The following L3MBTL4 variants were observed in gnomAD, a reference collection of about 807,000 sequenced individuals.
The protein encoded by L3MBTL4 is lethal(3)malignant brain tumor-like protein 4.
L3MBTL4 carries 70 observed loss-of-function variants against 84.5 expected under a neutral mutation model. The observed-to-expected ratio is 0.83, with a 90% CI of 0.68 to 1.01. The LOEUF (loss-of-function observed/expected upper bound fraction) is 1.01, where lower values mean the gene tolerates loss of function less well. Ranked by LOEUF, L3MBTL4 falls within the 50% of genes least tolerant of loss-of-function variation. The probability of loss-of-function intolerance (pLI) is 0.00; values close to 1 mark genes in which losing one functional copy is unlikely to be tolerated. For missense variants in L3MBTL4, 715 were observed against 754.8 expected (o/e 0.95, Z 0.62); for synonymous variants, 274 against 259.8 (o/e 1.05, Z -0.52).
intron 14 of L3MBTL4, among the ~76,000 whole-genome samples, chr18:6,129,327 A>G (rs1465176742): frequency 6.6e-6 from 1 of 151,860 alleles, no homozygotes; most frequent in East Asian, 1.9e-4. Flanking sequence ...GCTTCAAAAT[A>G]TCAATGCATG....
chr18:6,264,072 T>C lies in L3MBTL4; in HGVS notation c.128-34A>G, dbSNP rs771062014. ...GAAAACACAATGACTTTTCTCAAAATGATTAGTGACAGGAAAATAATAAAA... is the reference window on the plus strand; with the variant it reads ...GAAAACACAATGACTTTTCTCAAAACGATTAGTGACAGGAAAATAATAAAA... On this transcript the variant is annotated intron_variant, in intron 4 of 18. Transcript: ENST00000317931. The C allele has an allele frequency of 1.5e-5, 21 of 1,435,630 alleles. No individual in the cohort carries two copies. The South Asian group carries it at 2.0e-4, about 13-fold the overall frequency. 88.9% of individuals were successfully genotyped at this position (1,435,630 alleles called of 1,614,324 possible). A position where few individuals can be genotyped will look rare whatever the true frequency, so the allele number is the denominator to read the frequency against.
At chr18:6,119,199 A>G (rs2059452492) in intron 14 of L3MBTL4, among the ~76,000 whole-genome samples, 1 of 151,556 alleles carries the variant, frequency 6.6e-6, no homozygotes, top group South Asian at 2.1e-4. Context: ...TGCTGACTTG[A>G]TTTTTTTAGA....
chr18:6,277,109 G>T (rs1459849637), intron 4 of L3MBTL4, among the ~76,000 whole-genome samples: 1 of 141,190 alleles, frequency 7.1e-6, no homozygotes, highest in African/African-American at 2.6e-5. Context: ...TCATAAGGAA[G>T]GGGAACATCA....
chr18:5,962,248 A>T (rs949830174), intron 17 of L3MBTL4, among the ~76,000 whole-genome samples: 3 of 152,310 alleles, frequency 2.0e-5, no homozygotes, highest in Middle Eastern at 6.8e-3. Flanking sequence ...CAGGAAGGTC[A>T]TCAGGAAGAA....
chr18:6,208,119 AT>A (rs2045950963), intron 12 of L3MBTL4, among the ~76,000 whole-genome samples: 7 of 128,126 alleles, frequency 5.5e-5, no homozygotes, highest in Admixed American at 5.3e-4. Flanking sequence ...TGTCTAAAAA[AT>A]AAATAAATAA....
chr18:6,061,963 C>T (rs545519142), intron 16 of L3MBTL4, among the ~76,000 whole-genome samples: 26 of 151,980 alleles, frequency 1.7e-4, no homozygotes, highest in African/African-American at 6.0e-4. Flanking sequence ...ATAAGCTATA[C>T]TCACCTAATT....
At chr18:6,137,579 T>C (rs1455661991) in intron 14 of L3MBTL4, among the ~76,000 whole-genome samples, 1 of 151,908 alleles carries the variant, frequency 6.6e-6, no homozygotes, top group African/African-American at 2.4e-5. Context: ...TCAGTCTTAA[T>C]TTATATATGT....
chr18:6,292,734 A>G (rs1016960240), intron 4 of L3MBTL4, among the ~76,000 whole-genome samples: 1 of 152,222 alleles, frequency 6.6e-6, no homozygotes, highest in Admixed American at 6.5e-5. Flanking sequence ...ACTAAGACAG[A>G]GTCAAGAAGC....
chr18:6,371,412 G>A (rs2054156197), intron 1 of L3MBTL4, among the ~76,000 whole-genome samples: 1 of 152,178 alleles, frequency 6.6e-6, no homozygotes, highest in South Asian at 2.1e-4. Flanking sequence ...GCGAGACCCT[G>A]CGGGGAGAGC....
At chr18:6,406,372 A>G (rs2055734966) in intron 1 of L3MBTL4, among the ~76,000 whole-genome samples, 1 of 152,206 alleles carries the variant, frequency 6.6e-6, no homozygotes, top group African/African-American at 2.4e-5. Flanking sequence ...TCATTAGAAC[A>G]TTTTACAAGA....
intron 3 of L3MBTL4, among the ~76,000 whole-genome samples, chr18:6,306,784 A>G (rs1304814274): frequency 6.6e-6 from 1 of 152,218 alleles, no homozygotes; most frequent in Non-Finnish European, 1.5e-5. Context: ...AAAGACCCAT[A>G]AAGTTCTTGC....
intron 1 of L3MBTL4, among the ~76,000 whole-genome samples, chr18:6,345,846 A>G (rs1195688374): frequency 6.6e-6 from 1 of 152,110 alleles, no homozygotes; most frequent in Admixed American, 6.5e-5. Flanking sequence ...ATGGAACCAC[A>G]AAAGACCACT....
At chr18:6,310,231 A>G (rs1425662861) in intron 3 of L3MBTL4, among the ~76,000 whole-genome samples, 5 of 152,236 alleles carry the variant, frequency 3.3e-5, no homozygotes, top group Non-Finnish European at 7.3e-5. Context: ...AAGCCAAGAC[A>G]GATGCAGGCC....
At chr18:6,240,488 T>C (rs904409347) in intron 8 of L3MBTL4, among the ~76,000 whole-genome samples, 1 of 151,824 alleles carries the variant, frequency 6.6e-6, no homozygotes, top group Non-Finnish European at 1.5e-5. Context: ...TTTCTTAGTA[T>C]AAAAATACTA....
chr18:5,997,898 G>A (rs777221044), intron 16 of L3MBTL4, among the ~76,000 whole-genome samples: 1 of 152,094 alleles, frequency 6.6e-6, no homozygotes, highest in African/African-American at 2.4e-5. Flanking sequence ...TCAGGGACTC[G>A]AGTAGCTGCT....
intron 14 of L3MBTL4, among the ~76,000 whole-genome samples, chr18:6,097,726 G>A (rs751069642): frequency 1.3e-5 from 2 of 152,228 alleles, no homozygotes; most frequent in East Asian, 1.9e-4. Flanking sequence ...TGTGGGCTCC[G>A]GTTCCTCTAA....
intron 1 of L3MBTL4, among the ~76,000 whole-genome samples, chr18:6,343,105 G>A (rs1407511363): frequency 1.3e-5 from 2 of 152,128 alleles, no homozygotes; most frequent in African/African-American, 4.8e-5. Flanking sequence ...CAGAACTGAA[G>A]GGACTGAAGG....
chr18:6,032,037 G>T (rs1334537780), intron 16 of L3MBTL4: 1 of 201,736 alleles, frequency 5.0e-6, no homozygotes, highest in Non-Finnish European at 8.9e-6. Flanking sequence ...GAGTGCAGTG[G>T]TGCAATCTCA....
At chr18:6,355,269 G>T (rs1568544683) in intron 1 of L3MBTL4, among the ~76,000 whole-genome samples, 2 of 152,156 alleles carry the variant, frequency 1.3e-5, no homozygotes, top group Non-Finnish European at 2.9e-5. Context: ...TGCATTGCAT[G>T]CCTGTATCAA....
Sources: gnomAD v4.1 joint callset for allele counts (sites outside exome capture counted in the v4.1 genomes callset) on GRCh38, gnomAD v4.1.1 for gene constraint, MANE v1.5 for transcripts, NCBI Gene and HGNC (gene_info 2026-07-23, HGNC 2026-07-21) for gene names.